TUSC3: variants seen among roughly 807,000 people sequenced by gnomAD.
TUSC3 encodes tumor suppressor candidate 3.
Under a neutral mutation model 44.8 loss-of-function variants are expected in TUSC3, and 45 were observed. The observed-to-expected ratio is 1.00, with a 90% CI of 0.79 to 1.29. The LOEUF is 1.29. Ranked by LOEUF, TUSC3 falls within the 50% of genes most tolerant of loss-of-function variation. The probability of loss-of-function intolerance (pLI) is 0.00; values close to 1 mark genes in which losing one functional copy is unlikely to be tolerated. For missense variants in TUSC3, 519 were observed against 437.9 expected (o/e 1.19, Z -1.65); for synonymous variants, 212 against 152.9 (o/e 1.39, Z -2.85).
the TUSC3 span, among the ~76,000 whole-genome samples, chr8:15,786,036 A>C: frequency 9.0e-3 from 1,377 of 152,342 alleles, 23 homozygotes; most frequent in African/African-American, 0.032. Flanking sequence ...GATGTTTTAA[A>C]AATTATGTAT....
At chr8:15,466,086 T>C (rs1432257428) in intron 1 of TUSC3, among the ~76,000 whole-genome samples, 1 of 152,214 alleles carries the variant, frequency 6.6e-6, no homozygotes. Context: ...TGCTTTATGT[T>C]ATAAGTAGTC....
chr8:15,807,164 AT>A, the TUSC3 span: 2 of 820,548 alleles, frequency 2.4e-6, no homozygotes, highest in Middle Eastern at 2.3e-4. Flanking sequence ...TCACAGCCGT[AT>A]GTGCATCCTC....
intron 3 of TUSC3, among the ~76,000 whole-genome samples, chr8:15,651,233 T>C (rs1183314955): frequency 1.3e-5 from 2 of 152,214 alleles, no homozygotes; most frequent in Non-Finnish European, 2.9e-5. Flanking sequence ...TTCTGGCATT[T>C]AATTATAGGT....
At chr8:15,788,866 G>T in the TUSC3 span, among the ~76,000 whole-genome samples, 3 of 152,160 alleles carry the variant, frequency 2.0e-5, no homozygotes, top group African/African-American at 4.8e-5. Flanking sequence ...GGGCTTGAAA[G>T]AAGTTATTGC....
In TUSC3 at chr8:15,463,564, A is replaced by G. The variant is rs955722570; in HGVS notation, n.92-19822A>G. On this transcript the variant is annotated intron_variant and non_coding_transcript_variant, in intron 1 of 5. Coordinates refer to the TUSC3 transcript ENST00000503191. ...TGAATACCTGAGTGGCAGGAAGGTA[A>G]TAGAATGGTCTAGTGGCTCTTCATA... Among the ~76,000 whole-genome samples the G allele has an allele frequency of 1.4e-4, 22 of 152,308 alleles. 1 individual carries two copies. The highest frequency in any genetic ancestry group is 5.1e-4 in the African/African-American group (21 of 41,584).
intron 1 of TUSC3, among the ~76,000 whole-genome samples, chr8:15,581,672 C>G (rs964780071): frequency 4.7e-5 from 7 of 148,582 alleles, no homozygotes; most frequent in South Asian, 4.3e-4. Flanking sequence ...GCAGTCTGCC[C>G]GTTCTCAGAT....
intron 1 of TUSC3, among the ~76,000 whole-genome samples, chr8:15,602,722 A>T (rs1420812094): frequency 3.3e-5 from 5 of 150,256 alleles, no homozygotes; most frequent in African/African-American, 1.2e-4. Context: ...ATACGTGTGT[A>T]TACATATGTA....
the TUSC3 span, among the ~76,000 whole-genome samples, chr8:15,807,733 G>A: frequency 1.8e-3 from 274 of 152,242 alleles, no homozygotes; most frequent in Middle Eastern, 0.014. Flanking sequence ...GCAGCTGGAG[G>A]CCATTATCCC....
At chr8:15,439,223 G>C (rs189125153) in intron 1 of TUSC3, among the ~76,000 whole-genome samples, 156 of 152,298 alleles carry the variant, frequency 1.0e-3, no homozygotes, top group African/African-American at 3.5e-3. Context: ...GAAACCCAGT[G>C]ATGCAGTCCA....
intron 1 of TUSC3, among the ~76,000 whole-genome samples, chr8:15,435,677 C>A (rs1009856349): frequency 6.6e-6 from 1 of 152,124 alleles, no homozygotes; most frequent in African/African-American, 2.4e-5. Context: ...AGCAGGTTGA[C>A]TTAGAGGAAT....
intron 2 of TUSC3, among the ~76,000 whole-genome samples, chr8:15,524,237 T>C (rs1233345413): frequency 1.3e-5 from 2 of 152,104 alleles, no homozygotes; most frequent in African/African-American, 4.8e-5. Flanking sequence ...GGAGTTAATT[T>C]GCAGTTTTTA....
chr8:15,843,596 ATATATATAT>A, the TUSC3 span, among the ~76,000 whole-genome samples: 7 of 136,162 alleles, frequency 5.1e-5, no homozygotes, highest in African/African-American at 8.1e-5. Flanking sequence ...TGATGTACAT[ATATATATAT>A]ATATATATAT....
At chr8:15,676,054 G>T (rs1194592354) in intron 6 of TUSC3, among the ~76,000 whole-genome samples, 6 of 152,074 alleles carry the variant, frequency 3.9e-5, no homozygotes, top group Admixed American at 3.3e-4. Flanking sequence ...CCCACCAGCA[G>T]TGTATGTGTT....
chr8:15,848,536 G>C, the TUSC3 span, among the ~76,000 whole-genome samples: 3 of 152,156 alleles, frequency 2.0e-5, no homozygotes, highest in Non-Finnish European at 4.4e-5. Flanking sequence ...GCTTTCTTGA[G>C]CTGGGGAACT....
At chr8:15,635,809 G>A (rs1263688457) in intron 2 of TUSC3, among the ~76,000 whole-genome samples, 2 of 152,158 alleles carry the variant, frequency 1.3e-5, no homozygotes, top group African/African-American at 4.8e-5. Context: ...CAGTAATGGA[G>A]CCAGGTAGCA....
intron 1 of TUSC3, among the ~76,000 whole-genome samples, chr8:15,619,530 C>T (rs1364112126): frequency 1.3e-5 from 2 of 151,464 alleles, no homozygotes; most frequent in African/African-American, 4.9e-5. Flanking sequence ...CTGTCTCTGT[C>T]GCCCAGGCTG....
chr8:15,806,273 G>C, the TUSC3 span: 1 of 623,778 alleles, frequency 1.6e-6, no homozygotes, highest in South Asian at 1.6e-5. Context: ...GTCTGGGGAT[G>C]TTCTCATTGG....
the TUSC3 span, among the ~76,000 whole-genome samples, chr8:15,824,702 GTAAC>G: frequency 1.3e-5 from 2 of 152,158 alleles, no homozygotes; most frequent in African/African-American, 4.8e-5. Context: ...GTACACATAT[GTAAC>G]TAACCTGCAC....
rs375352778 is a variant in TUSC3, at chr8:15,659,680, G to A, written c.567+33G>A. On this transcript the variant is annotated intron_variant, in intron 4 of 10. Transcript: ENST00000503731. The stretch of plus-strand genomic sequence containing the variant: ...TTTATTCCTCACAGTTTTAATAATA[G>A]GCTGGTTAGTTTGTTTTTATGGAGC... 183 of 1,608,798 alleles carry A rather than the reference G, an allele frequency of 1.1e-4. 1 individual carries two copies. The highest frequency in any genetic ancestry group is 1.7e-4 in the Middle Eastern group (1 of 6,048).
Sources: allele counts gnomAD v4.1 joint callset (sites outside exome capture counted in the v4.1 genomes callset), GRCh38; gene constraint gnomAD v4.1.1; transcripts MANE v1.5; gene names NCBI Gene and HGNC (gene_info 2026-07-23, HGNC 2026-07-21).